Variants in GLIS3 observed in about 807,000 individuals in gnomAD.
The protein encoded by GLIS3 is GLIS family zinc finger 3.
A neutral mutation model predicts 78.6 loss-of-function variants in GLIS3; 53 were observed. That is an observed-to-expected ratio of 0.67 (90% confidence interval 0.54 to 0.85). The LOEUF is 0.85. Ranked by LOEUF, GLIS3 falls within the 40% of genes least tolerant of loss-of-function variation. GLIS3 has a pLI of 0.00. For missense variants in GLIS3, 1,703 were observed against 1,231.1 expected, an observed-to-expected ratio of 1.38 and a Z score of -5.74; for synonymous variants, 684 against 509.9, an observed-to-expected ratio of 1.34 and a Z score of -4.60.
intron 1 of GLIS3, among the ~76,000 whole-genome samples, chr9:4,295,022 T>A (rs1019118152): frequency 1.6e-4 from 25 of 152,208 alleles, no homozygotes; most frequent in African/African-American, 5.8e-4. Context: ...TGTTTCCTAG[T>A]CTTTTCCTTT....
intron 2 of GLIS3, among the ~76,000 whole-genome samples, chr9:4,284,729 A>T (rs1827838096): frequency 6.6e-6 from 1 of 151,562 alleles, no homozygotes; most frequent in Non-Finnish European, 1.5e-5. Context: ...TGAGCAACAT[A>T]ACGAAATCCT....
chr9:4,051,212 G>C (rs1008422968), intron 4 of GLIS3, among the ~76,000 whole-genome samples: 1 of 152,172 alleles, frequency 6.6e-6, no homozygotes, highest in African/African-American at 2.4e-5. Flanking sequence ...GTGTTTATGA[G>C]GAAATTCAAA....
At chr9:4,186,349 T>C (rs1391339367) in intron 2 of GLIS3, among the ~76,000 whole-genome samples, 2 of 152,062 alleles carry the variant, frequency 1.3e-5, no homozygotes, top group Non-Finnish European at 2.9e-5. Flanking sequence ...TATGGCTGCA[T>C]AGTATTCCAT....
chr9:4,170,630 T>TA (rs1405013580), intron 2 of GLIS3, among the ~76,000 whole-genome samples: 1 of 152,174 alleles, frequency 6.6e-6, no homozygotes, highest in Non-Finnish European at 1.5e-5. Context: ...GTTCTGACCC[T>TA]AAAACAGTAA....
At chr9:4,379,757 G>A in the GLIS3 span, among the ~76,000 whole-genome samples, 9 of 152,160 alleles carry the variant, frequency 5.9e-5, no homozygotes, top group Non-Finnish European at 1.3e-4. Flanking sequence ...CAATGACAGA[G>A]GTATTTTCAA....
chr9:3,862,458 T>A (rs908008335), intron 8 of GLIS3, among the ~76,000 whole-genome samples: 12 of 152,202 alleles, frequency 7.9e-5, no homozygotes, highest in Admixed American at 1.3e-4. Context: ...ACTAGATAAC[T>A]TCTTTCGGGT....
At chr9:4,315,172 T>G (rs563997084) in intron 2 of GLIS3, among the ~76,000 whole-genome samples, 1 of 152,366 alleles carries the variant, frequency 6.6e-6, no homozygotes, top group South Asian at 2.1e-4. Flanking sequence ...GGAAGTGGCC[T>G]TTCTCACACT....
chr9:4,047,885 T>A (rs1340407409), intron 4 of GLIS3, among the ~76,000 whole-genome samples: 1 of 152,188 alleles, frequency 6.6e-6, no homozygotes, highest in East Asian at 1.9e-4. Context: ...GCAAGGCCAG[T>A]AAACTTTTGT....
chr9:4,381,135 G>C, the GLIS3 span, among the ~76,000 whole-genome samples: 25 of 152,114 alleles, frequency 1.6e-4, no homozygotes, highest in Non-Finnish European at 2.9e-5. Context: ...TGAGAAAACA[G>C]TAAAAATGTG....
At chr9:4,416,905 G>A in the GLIS3 span, among the ~76,000 whole-genome samples, 2 of 143,532 alleles carry the variant, frequency 1.4e-5, no homozygotes, top group Non-Finnish European at 3.0e-5. Context: ...TGCAACCTCT[G>A]CCTCCCAGGT....
At chr9:3,868,815 TTG>T (rs1820777142) in intron 8 of GLIS3, among the ~76,000 whole-genome samples, 3 of 240 alleles carry the variant, frequency 0.013, no homozygotes, top group Non-Finnish European at 0.033. Flanking sequence ...TTCTTAGCTT[TTG>T]TATACAACAC....
At chr9:4,465,653 T>C in the GLIS3 span, among the ~76,000 whole-genome samples, 3 of 152,274 alleles carry the variant, frequency 2.0e-5, no homozygotes, top group Non-Finnish European at 2.9e-5. Context: ...CCATTCCCCA[T>C]GATGTGCTTA....
At chr9:4,404,342 G>A in the GLIS3 span, among the ~76,000 whole-genome samples, 1 of 151,974 alleles carries the variant, frequency 6.6e-6, no homozygotes, top group East Asian at 1.9e-4. Flanking sequence ...AATAAACATT[G>A]GACTAAATCT....
intron 2 of GLIS3, among the ~76,000 whole-genome samples, chr9:4,204,063 A>C (rs1190712615): frequency 3.9e-5 from 6 of 152,218 alleles, no homozygotes; most frequent in Admixed American, 3.3e-4. Flanking sequence ...CCCAGGTAAC[A>C]AACCTGCATG....
chr9:3,880,885 C>T lies in GLIS3; in HGVS notation c.2129-1290G>A, dbSNP rs146236007. ...GAAGGGTTTATTTCTGGTAAATCAG[C>T]ATTCTGTCAGGTTAACTCTTGTCCT... On this transcript the variant is annotated intron_variant, in intron 7 of 10. Transcript: ENST00000381971. 5.3e-5 allele frequency among the ~76,000 whole-genome samples: 8 copies of T among 152,338 alleles called. No individual in the cohort carries two copies. In the East Asian group the frequency reaches 1.5e-3, roughly 29 times the overall value.
intron 4 of GLIS3, among the ~76,000 whole-genome samples, chr9:4,019,348 A>C (rs1822686704): frequency 6.6e-6 from 1 of 152,178 alleles, no homozygotes; most frequent in Non-Finnish European, 1.5e-5. Context: ...AGAAATACAG[A>C]GGTAGGAATA....
the GLIS3 span, among the ~76,000 whole-genome samples, chr9:4,402,502 G>C: frequency 4.2e-3 from 638 of 152,268 alleles, 2 homozygotes; most frequent in African/African-American, 0.014. Flanking sequence ...AACAATCCTG[G>C]AGAAATGGAG....
At chr9:4,414,153 G>T in the GLIS3 span, among the ~76,000 whole-genome samples, 1 of 152,064 alleles carries the variant, frequency 6.6e-6, no homozygotes, top group African/African-American at 2.4e-5. Context: ...TAACACAAAA[G>T]GGTAGAATTG....
At chr9:4,275,690 C>A (rs888418688) in intron 2 of GLIS3, among the ~76,000 whole-genome samples, 1 of 151,820 alleles carries the variant, frequency 6.6e-6, no homozygotes, top group Non-Finnish European at 1.5e-5. Flanking sequence ...TTGAGCCCAG[C>A]AGTTCAAGGC....
Sources: gnomAD v4.1 joint callset for allele counts (sites outside exome capture counted in the v4.1 genomes callset) on GRCh38, gnomAD v4.1.1 for gene constraint, MANE v1.5 for transcripts, NCBI Gene and HGNC (gene_info 2026-07-23, HGNC 2026-07-21) for gene names.